BMP8A: variants seen among roughly 807,000 people sequenced by gnomAD.
BMP8A encodes the protein bone morphogenetic protein 8a, also known as BMP-8A.
A neutral mutation model predicts 36.8 loss-of-function variants in BMP8A; 14 were observed. The ratio of observed to expected loss-of-function variants is 0.38; its 90% confidence interval spans 0.25 to 0.60. The LOEUF is 0.60. Ranked by LOEUF, BMP8A falls within the 20% of genes least tolerant of loss-of-function variation. The probability of loss-of-function intolerance (pLI) is 0.63; values close to 1 mark genes in which losing one functional copy is unlikely to be tolerated. For synonymous variants in BMP8A, 120 were observed against 237.7 expected, an observed-to-expected ratio of 0.50 and a Z score of 4.55; for missense variants, 267 against 551.1, an observed-to-expected ratio of 0.48 and a Z score of 5.16.
intron 1 of BMP8A, among the ~76,000 whole-genome samples, chr1:39,497,286 C>T (rs1433284283): frequency 1.3e-5 from 2 of 152,120 alleles, no homozygotes; most frequent in African/African-American, 4.8e-5. Context: ...CGATGTTGAG[C>T]AGCTTGTTTA....
chr1:39,514,705 ACCTCAGCTCTGTCCTGCGCCCGGG>A (rs1645381760), intron 3 of BMP8A, among the ~76,000 whole-genome samples: 1 of 152,072 alleles, frequency 6.6e-6, no homozygotes, highest in African/African-American at 2.4e-5. Flanking sequence ...GCGGAGCCTG[ACCTCAGCTCTGTCCTGCGCCCGGG>A]CCTGTGCGCT....
chr1:39,511,062 G>C, intron 1 of BMP8A, 112 bp from the exon 2 acceptor site: 1 of 1,504,528 alleles, frequency 6.6e-7, no homozygotes, highest in Non-Finnish European at 9.0e-7. Flanking sequence ...GCCTCCCTGG[G>C]TCCGCTCCAC....
chr1:39,525,897 G>A lies in BMP8A; in HGVS notation c.*99G>A, dbSNP rs538171911. ...ATGCTGTCACAGCTCAAGCAGGAGT[G>A]TCAGGGGCCCTCACTCTCGGTGCCT... On this transcript the variant is annotated 3_prime_UTR_variant, in exon 7 of 7. Transcript: ENST00000331593. 6 of 1,560,100 alleles carry A rather than the reference G, an allele frequency of 3.8e-6. No homozygotes were observed. The highest frequency in any genetic ancestry group is 3.5e-5 in the South Asian group (3 of 85,838).
At position 39,525,733 on chromosome 1, in the gene BMP8A, A is replaced by C. The variant is rs750595187; in HGVS notation, c.1144A>C (p.Ser382Arg). The change falls in exon 7 of 7, where the codon AGC (serine) becomes CGC (arginine). Residue 382 changes from serine to arginine, a missense_variant. By Grantham distance (110) the Ser-to-Arg change is moderately radical. Transcript: ENST00000331593. ...LSATSVLYYD[S>R]SNNVILRKHR... Reference sequence around the variant, plus strand: ...CGCCACCTCTGTGCTCTACTATGACAGCAGCAACAACGTCATCCTGCGCAA... The same window carrying C: ...CGCCACCTCTGTGCTCTACTATGACCGCAGCAACAACGTCATCCTGCGCAA... 4 of 1,614,084 alleles carry C rather than the reference A, an allele frequency of 2.5e-6. No homozygotes were observed. The highest frequency in any genetic ancestry group is 1.3e-5 in the African/African-American group (1 of 74,934).
chr1:39,522,589 A>G, intron 5 of BMP8A, 107 bp downstream of exon 5: 2 of 1,309,298 alleles, frequency 1.5e-6, no homozygotes, highest in South Asian at 3.1e-5. Flanking sequence ...TTTCTTATGT[A>G]TTTTTTTCTT....
At chr1:39,499,097 A>G (rs1243146809) in intron 1 of BMP8A, among the ~76,000 whole-genome samples, 1 of 152,186 alleles carries the variant, frequency 6.6e-6, no homozygotes, top group Non-Finnish European at 1.5e-5. Context: ...CCGGCCCTCC[A>G]AGGGCTCGCT....
At chr1:39,493,202 G>T (rs796347658) in intron 1 of BMP8A, among the ~76,000 whole-genome samples, 37 of 137,082 alleles carry the variant, frequency 2.7e-4, no homozygotes, top group African/African-American at 8.4e-4. Context: ...AGCCCGAAGT[G>T]GGGGAGCTGT....
At chr1:39,518,029 G>A (rs1289972726) in intron 3 of BMP8A, among the ~76,000 whole-genome samples, 13 of 152,122 alleles carry the variant, frequency 8.5e-5, no homozygotes, top group Middle Eastern at 3.4e-3. Context: ...GTGATGGTCC[G>A]TTGTAACCCA....
chr1:39,529,737 C>A lies in BMP8A; in HGVS notation c.*3939C>A, dbSNP rs1214967337. On this transcript the variant is annotated 3_prime_UTR_variant, in exon 7 of 7. Transcript: ENST00000331593. ...TCTTACTTGGCACATATACATTTGT[C>A]TTTCTTTATATATGACATATGGATA... 6.6e-6 allele frequency among the ~76,000 whole-genome samples: 1 copy of A among 152,174 alleles called. No homozygotes were observed. The highest frequency in any genetic ancestry group is 2.4e-5 in the African/African-American group (1 of 41,446).
intron 1 of BMP8A, among the ~76,000 whole-genome samples, chr1:39,502,320 A>G (rs1645260722): frequency 1.3e-5 from 2 of 152,210 alleles, no homozygotes; most frequent in African/African-American, 4.8e-5. Flanking sequence ...AAAATAAAAA[A>G]TATATATGTA....
chr1:39,494,165 G>A (rs1645185008), intron 1 of BMP8A, among the ~76,000 whole-genome samples: 1 of 152,254 alleles, frequency 6.6e-6, no homozygotes, highest in Non-Finnish European at 1.5e-5. Context: ...CCTCCCAGCT[G>A]TGGCCCAGCC....
At chr1:39,502,323 T>C (rs566313436) in intron 1 of BMP8A, among the ~76,000 whole-genome samples, 1 of 151,906 alleles carries the variant, frequency 6.6e-6, no homozygotes, top group Non-Finnish European at 1.5e-5. Flanking sequence ...ATAAAAAATA[T>C]ATATGTACCA....
At chr1:39,499,507 T>A (rs887924259) in intron 1 of BMP8A, among the ~76,000 whole-genome samples, 5 of 152,220 alleles carry the variant, frequency 3.3e-5, no homozygotes, top group Non-Finnish European at 5.9e-5. Flanking sequence ...TGAGACTAAA[T>A]TGCCCAGAGC....
intron 5 of BMP8A, among the ~76,000 whole-genome samples, chr1:39,522,784 GGGCAGGGGAGGGCC>G (rs1203827784): frequency 1.3e-5 from 2 of 152,074 alleles, no homozygotes; most frequent in Non-Finnish European, 2.9e-5. Flanking sequence ...TGGGAGGTGT[GGGCAGGGGAGGGCC>G]GGCTGGGGAG....
At chr1:39,507,109 T>C (rs990115944) in intron 1 of BMP8A, among the ~76,000 whole-genome samples, 2 of 152,180 alleles carry the variant, frequency 1.3e-5, no homozygotes, top group African/African-American at 4.8e-5. Flanking sequence ...CCCAGAAACC[T>C]TGCTCCAAAC....
chr1:39,503,974 T>C (rs1172876088), intron 1 of BMP8A, among the ~76,000 whole-genome samples: 3 of 151,902 alleles, frequency 2.0e-5, no homozygotes, highest in African/African-American at 7.3e-5. Context: ...AGTATTTTCC[T>C]CACGATATTT....
Position 39,527,728 on chromosome 1 carries a change from G to A in BMP8A, c.*1930G>A, listed in dbSNP as rs72932130. On this transcript the variant is annotated 3_prime_UTR_variant, in exon 7 of 7. Transcript: ENST00000331593. Reference sequence around the variant, plus strand: ...GCTCAGCTAGCAGAGATTGGAAGAGGCAATGGCCTGAGTGTTAGGAGACAG... The same window carrying A: ...GCTCAGCTAGCAGAGATTGGAAGAGACAATGGCCTGAGTGTTAGGAGACAG... 0.099 allele frequency among the ~76,000 whole-genome samples: 15,072 copies of A among 152,300 alleles called. 871 individuals carry two copies. The highest frequency in any genetic ancestry group is 0.16 in the African/African-American group (6,446 of 41,560).
rs1187040147 is a variant in BMP8A at position 39,527,894 on chromosome 1, C to T, written c.*2096C>T. Among the ~76,000 whole-genome samples, 1 of 152,220 alleles carries T rather than the reference C, an allele frequency of 6.6e-6. No individual in the cohort carries two copies. Among genetic ancestry groups the T allele is most frequent in the Non-Finnish European group, 1.5e-5 (1 of 68,034 alleles). ...TCTTCCAACCCAGAGAACCCATCTG[C>T]CCCCATGACCTTCTCCCAGAGCTTG... On this transcript the variant is annotated 3_prime_UTR_variant, in exon 7 of 7. Coordinates refer to ENST00000331593, the MANE Select transcript of BMP8A (RefSeq NM_181809.4).
At chr1:39,510,760 A>T (rs912867063) in intron 1 of BMP8A, among the ~76,000 whole-genome samples, 2 of 152,186 alleles carry the variant, frequency 1.3e-5, no homozygotes, top group African/African-American at 4.8e-5. Context: ...CCTGTCTACC[A>T]GGTTTCCCTG....
Sources: gnomAD v4.1 joint callset for allele counts (sites outside exome capture counted in the v4.1 genomes callset) on GRCh38, gnomAD v4.1.1 for gene constraint, MANE v1.5 for transcripts, NCBI Gene and HGNC (gene_info 2026-07-23, HGNC 2026-07-21) for gene names.